DNAJC17: variants seen among roughly 807,000 people sequenced by gnomAD.
DNAJC17 encodes the protein dnaJ homolog subfamily C member 17.
Under a neutral mutation model 48.1 loss-of-function variants are expected in DNAJC17, and 35 were observed. That is an observed-to-expected ratio of 0.73 (90% CI 0.56 to 0.96). The LOEUF (loss-of-function observed/expected upper bound fraction) is 0.96. Among genes scored for constraint, DNAJC17 ranks in the 50% least tolerant of loss-of-function variants. The probability of loss-of-function intolerance (pLI) is 0.00; values close to 1 mark genes in which losing one functional copy is unlikely to be tolerated. For missense variants in DNAJC17, 355 were observed against 377.1 expected, an observed-to-expected ratio of 0.94 and a Z score of 0.48; for synonymous variants, 117 against 142.7, an observed-to-expected ratio of 0.82 and a Z score of 1.28.
chr15:40,767,227 TATGA>T lies in DNAJC17; in HGVS notation c.*709_*712del. 6.5e-7 allele frequency: 1 copy of T among 1,541,602 alleles called. No individual in the cohort carries two copies. The highest frequency in any genetic ancestry group is 1.2e-5 in the South Asian group (1 of 81,750). On this transcript the variant is annotated 3_prime_UTR_variant, in exon 11 of 11. Transcript: ENST00000220496. ...CCCCCCCATCCTGTCTCTTTGCAGT[TATGA>T]ATACTACGTCGATGACCCTCCCCGC...
At chr15:40,775,347 C>T (rs1221503352) in intron 7 of DNAJC17, 2 of 732,072 alleles carry the variant, frequency 2.7e-6, no homozygotes, top group African/African-American at 3.5e-5. Flanking sequence ...AGAGAATCCT[C>T]TGCCCTGTGA....
chr15:40,780,857 A>G (rs1209187889), intron 1 of DNAJC17, among the ~76,000 whole-genome samples: 1 of 151,602 alleles, frequency 6.6e-6, no homozygotes, highest in Admixed American at 6.6e-5. Context: ...ATAAAAGATT[A>G]TGATTGAGGC....
chr15:40,797,059 A>C (rs1044718180), intron 1 of DNAJC17, among the ~76,000 whole-genome samples: 5 of 151,940 alleles, frequency 3.3e-5, no homozygotes, highest in African/African-American at 1.2e-4. Context: ...TATCCACCAC[A>C]CTAGAACAAG....
In DNAJC17 at chr15:40,776,291, A is replaced by C. The variant is rs1380336499; in HGVS notation, c.383T>G (p.Ile128Ser). ...SRSTRTLEQE[I>S]ERLREEGSRQ... ...GGAACCCTCTTCTCTCAGGCGTTCG[A>C]TCTGCAGAGCAGGGGGTGGGGGTGA... Residue 128 changes from isoleucine to serine, a missense_variant and splice_region_variant, in exon 6 of 11, where the codon ATC becomes AGC. By Grantham distance (142) the Ile-to-Ser change is moderately radical. Transcript: ENST00000220496. 1 of 1,613,954 alleles carries C rather than the reference A, an allele frequency of 6.2e-7. No individual in the cohort carries two copies. The highest frequency in any genetic ancestry group is 2.2e-5 in the East Asian group (1 of 44,866).
At chr15:40,779,879 G>C in intron 2 of DNAJC17, 49 bp downstream of exon 2, 1 of 1,577,052 alleles carries the variant, frequency 6.3e-7, no homozygotes. Context: ...GAAACACAAT[G>C]CCCGGGTGAG....
chr15:40,789,284 A>G (rs548195650), intron 1 of DNAJC17, among the ~76,000 whole-genome samples: 1 of 151,794 alleles, frequency 6.6e-6, no homozygotes, highest in East Asian at 1.9e-4. Context: ...TCCTCAGCCA[A>G]TCCTGAGGCC....
In DNAJC17 at chr15:40,768,062, C is replaced by A. The variant is rs753422074; in HGVS notation, c.793G>T (p.Gly265Cys). 4.5e-6 allele frequency: 7 copies of A among 1,557,324 alleles called. No individual in the cohort carries two copies. The highest frequency in any genetic ancestry group is 1.2e-5 in the South Asian group (1 of 82,410). Residue 265 changes from glycine (G) to cysteine (C), a missense_variant and splice_region_variant, in exon 11 of 11, where the codon GGC (glycine) becomes TGC (cysteine). Transcript: ENST00000220496. ...TAGTCCCTCTCTGACAGCACTGAGC[C>A]CTGTCGGACAGGGCAGGGACAGGGA... ...VGRSHSGLSK[G>C]SVLSERDYES...
intron 1 of DNAJC17, among the ~76,000 whole-genome samples, chr15:40,799,902 T>C (rs1045430174): frequency 2.0e-5 from 3 of 152,074 alleles, no homozygotes; most frequent in African/African-American, 7.2e-5. Flanking sequence ...CAGGCTGGAG[T>C]GCAGTGGCAC....
intron 1 of DNAJC17, chr15:40,780,659 CA>C: frequency 3.7e-6 from 1 of 267,526 alleles, no homozygotes; most frequent in Non-Finnish European, 7.4e-6. Context: ...ACTAAATATA[CA>C]AAAATTAGCT....
chr15:40,778,214 A>C (rs1021898587), intron 4 of DNAJC17, among the ~76,000 whole-genome samples: 1 of 151,568 alleles, frequency 6.6e-6, no homozygotes, highest in Non-Finnish European at 1.5e-5. Flanking sequence ...AAGAAGAAGA[A>C]GACTCAGCCA....
chr15:40,775,676 G>C lies in DNAJC17; in HGVS notation c.479-80C>G, dbSNP rs774164413. 4.2e-6 allele frequency: 6 copies of C among 1,441,392 alleles called. No individual in the cohort carries two copies. In the Admixed American group the frequency reaches 1.0e-4, roughly 24 times the overall value. The allele number at this position is 1,441,392 out of a possible 1,614,324, so 89.3% of individuals were successfully genotyped here. On this transcript the variant is annotated intron_variant, in intron 6 of 10. Coordinates refer to ENST00000220496, the MANE Select transcript of DNAJC17 (RefSeq NM_018163.3). ...CCAAAGGAAATGCAGCCCAGAGCAA[G>C]AAGGGTCTGGAAAGGGTCACTCCTG...
rs1483571024 is a variant in DNAJC17, at chr15:40,770,712, C to T, written c.793-2650G>A. On this transcript the variant is annotated intron_variant, in intron 10 of 10. Transcript: ENST00000220496. The surrounding 1 kb of genome is among the most constrained non-coding windows in gnomAD (Gnocchi z 5.0). ...GCCACTGTGGGGGGACGAGCAGCCC[C>T]GGGCCACCCTGCTGGCCCCACCCAA... 1.7e-5 allele frequency: 27 copies of T among 1,546,708 alleles called. No individual in the cohort carries two copies. In the Admixed American group the frequency reaches 2.7e-4, roughly 16 times the overall value.
At chr15:40,771,831 G>A (rs1889150069) in intron 10 of DNAJC17, 1 of 167,182 alleles carries the variant, frequency 6.0e-6, no homozygotes, top group East Asian at 1.9e-4. Flanking sequence ...GGCCACATAG[G>A]AAGAGATAGG....
At position 40,766,140 on chromosome 15, in the gene DNAJC17, A is replaced by C; in HGVS notation, c.*1800T>G. Reference sequence around the variant, plus strand: ...TGCTCTGAAAGCTTTCCACATCCTTACTGGAACCGCAGAAACAGAGTCCGT... The same window carrying C: ...TGCTCTGAAAGCTTTCCACATCCTTCCTGGAACCGCAGAAACAGAGTCCGT... On this transcript the variant is annotated 3_prime_UTR_variant, in exon 11 of 11. Transcript: ENST00000220496. 1 of 382,372 alleles carries C rather than the reference A, an allele frequency of 2.6e-6. No homozygotes were observed. Among genetic ancestry groups the C allele is most frequent in the Non-Finnish European group, 4.7e-6 (1 of 210,994 alleles). The allele number at this position is 382,372 out of a possible 1,614,324, so 23.7% of individuals were successfully genotyped here.
At position 40,767,710 on chromosome 15, in the gene DNAJC17, C is replaced by T. The variant is rs370113413; in HGVS notation, c.*230G>A. 32 of 645,096 alleles carry T rather than the reference C, an allele frequency of 5.0e-5. No individual in the cohort carries two copies. In the East Asian group the frequency reaches 8.1e-4, roughly 16 times the overall value. 40.0% of individuals were successfully genotyped at this position (645,096 alleles called of 1,614,324 possible). A position where few individuals can be genotyped will look rare whatever the true frequency, so the allele number is the denominator to read the frequency against. ...GCCAATAAAGGGCTGTGATGAGTGG[C>T]TGCGCCTGTGCTCTGCTTGTGCACG... On this transcript the variant is annotated 3_prime_UTR_variant, in exon 11 of 11. Coordinates refer to ENST00000220496, the MANE Select transcript of DNAJC17 (RefSeq NM_018163.3).
chr15:40,785,540 G>A (rs1889617171), intron 1 of DNAJC17, among the ~76,000 whole-genome samples: 1 of 152,186 alleles, frequency 6.6e-6, no homozygotes, highest in Admixed American at 6.6e-5. Flanking sequence ...AATGATCCGT[G>A]TAAGCACCTG....
At chr15:40,795,814 C>T (rs553596030) in intron 1 of DNAJC17, among the ~76,000 whole-genome samples, 4 of 152,132 alleles carry the variant, frequency 2.6e-5, no homozygotes, top group Non-Finnish European at 4.4e-5. Context: ...ATCGCTTGAA[C>T]CCGAAAGGCA....
At chr15:40,787,427 T>C (rs560410662) in intron 1 of DNAJC17, among the ~76,000 whole-genome samples, 28 of 152,272 alleles carry the variant, frequency 1.8e-4, no homozygotes, top group Middle Eastern at 6.8e-3. Flanking sequence ...CAGAAGGAAG[T>C]AGGTGCCATC....
In DNAJC17 at chr15:40,767,983, AT is replaced by A; in HGVS notation, c.871del (p.Ile291SerfsTer32). 6.2e-7 allele frequency: 1 copy of A among 1,610,484 alleles called. No homozygotes were observed. ...MRQAAERQQL[I>X]ARMQQEDQEG... ...CTGGTCTTCCTGCTGCATCCGTGCGATCAGCTGTTGCCGCTCGGCCGCCTGG... is the reference window on the plus strand; with the variant it reads ...CTGGTCTTCCTGCTGCATCCGTGCGACAGCTGTTGCCGCTCGGCCGCCTGG... On this transcript the variant is annotated frameshift_variant, in exon 11 of 11. Coordinates refer to ENST00000220496, the MANE Select transcript of DNAJC17 (RefSeq NM_018163.3). LOFTEE classifies it high-confidence loss of function.
Sources: gnomAD v4.1 joint callset for allele counts (sites outside exome capture counted in the v4.1 genomes callset) on GRCh38, gnomAD v4.1.1 for gene constraint, Gnocchi (gnomAD v3.1) non-coding constraint, MANE v1.5 for transcripts, NCBI Gene and HGNC (gene_info 2026-07-23, HGNC 2026-07-21) for gene names.